PIEZO2: variants seen among roughly 807,000 people sequenced by gnomAD.
The protein encoded by PIEZO2 is piezo type mechanosensitive ion channel component 2.
PIEZO2 carries 172 observed loss-of-function variants against 337.3 expected under a neutral mutation model. That is an observed-to-expected ratio of 0.51 (90% CI 0.45 to 0.58). The LOEUF is 0.58. Ranked by LOEUF, PIEZO2 falls within the 20% of genes least tolerant of loss-of-function variation. The pLI, the probability that PIEZO2 is intolerant of heterozygous loss-of-function variation, is 0.00. For missense variants in PIEZO2, 3,028 were observed against 3,391.3 expected, an observed-to-expected ratio of 0.89 and a Z score of 2.66; for synonymous variants, 1,251 against 1,228.5, an observed-to-expected ratio of 1.02 and a Z score of -0.38.
Position 10,787,027 on chromosome 18 carries a change from A to T in PIEZO2, c.2318+9T>A, listed in dbSNP as rs1327804693. 3.9e-6 allele frequency: 6 copies of T among 1,527,192 alleles called. No individual in the cohort carries two copies. Among genetic ancestry groups the T allele is most frequent in the Non-Finnish European group, 5.3e-6 (6 of 1,141,884 alleles). The allele number at this position is 1,527,192 out of a possible 1,614,324, so 94.6% of individuals were successfully genotyped here. A position where few individuals can be genotyped will look rare whatever the true frequency, so the allele number is the denominator to read the frequency against. ...TCTTGTTCATCATTTTCAACTCAAA[A>T]TCACTTACTTTTCTTTTTTCAGTCC... On this transcript the variant is annotated intron_variant, in intron 16 of 55. Transcript: ENST00000674853.
At chr18:10,876,347 C>G (rs1012394706) in intron 4 of PIEZO2, among the ~76,000 whole-genome samples, 1 of 152,170 alleles carries the variant, frequency 6.6e-6, no homozygotes, top group African/African-American at 2.4e-5. Context: ...CATTTCTTAC[C>G]AGTTTCTTCT....
In PIEZO2 at chr18:11,127,842, T is replaced by G. The variant is rs996471621; in HGVS notation, c.64+20683A>C. On this transcript the variant is annotated intron_variant, in intron 1 of 55. Coordinates refer to ENST00000674853, the MANE Select transcript of PIEZO2 (RefSeq NM_001378183.1). The surrounding 1 kb of genome is among the most constrained non-coding windows in gnomAD (Gnocchi z 4.5). ...GTGTGTGTGTATCCTATTAGTTCTC[T>G]TCCTCTAAGAGAACCCTAATACAGA... Among the ~76,000 whole-genome samples, 1 of 137,900 alleles carries G rather than the reference T, an allele frequency of 7.3e-6. No individual in the cohort carries two copies. Among genetic ancestry groups the G allele is most frequent in the African/African-American group, 2.7e-5 (1 of 36,638 alleles). 90.5% of individuals were successfully genotyped at this position (137,900 alleles called of 152,430 possible).
rs1331373300 is a variant in PIEZO2 at position 10,725,047 on chromosome 18, C to T, written c.5029+6360G>A. On this transcript the variant is annotated intron_variant, in intron 36 of 55. Transcript: ENST00000674853. ...GAGCCCCTGCATGTTGGTGGCCCTG[C>T]GGCCAACCAACGTGGACCGTGAGGG... The T allele has an allele frequency of 7.7e-6, 12 of 1,568,218 alleles. 1 individual carries two copies. In the South Asian group the frequency reaches 1.0e-4, roughly 13 times the overall value.
intron 18 of PIEZO2, 137 bp from the exon 19 acceptor site, chr18:10,774,175 AT>A: frequency 1.6e-6 from 1 of 644,876 alleles, no homozygotes; most frequent in South Asian, 1.8e-5. Context: ...TAACGCCCTA[AT>A]GCCAAATGCA....
In PIEZO2 at chr18:11,046,257, T is replaced by C. The variant is rs374464862; in HGVS notation, c.160+19870A>G. On this transcript the variant is annotated intron_variant, in intron 2 of 55. Transcript: ENST00000674853. ...TGATGAGCAACATATGGTTGAATGA[T>C]AGAATCAGTTACTGCTATTCAAAGA... Among the ~76,000 whole-genome samples, 28 of 152,340 alleles carry C rather than the reference T, an allele frequency of 1.8e-4. No homozygotes were observed. In the East Asian group the frequency reaches 2.7e-3, roughly 15 times the overall value.
intron 14 of PIEZO2, among the ~76,000 whole-genome samples, chr18:10,790,628 CT>C (rs1466683741): frequency 6.6e-6 from 1 of 151,744 alleles, no homozygotes; most frequent in African/African-American, 2.4e-5. Context: ...GAAGTATGAC[CT>C]GGGAGGAAGC....
chr18:11,059,587 A>G (rs1463860401), intron 2 of PIEZO2, among the ~76,000 whole-genome samples: 3 of 152,206 alleles, frequency 2.0e-5, no homozygotes, highest in Non-Finnish European at 4.4e-5. Context: ...GGAAAACAAA[A>G]AAAGGCAGGG....
chr18:10,701,184 A>G (rs2035315689), intron 43 of PIEZO2, among the ~76,000 whole-genome samples: 1 of 152,268 alleles, frequency 6.6e-6, no homozygotes, highest in Non-Finnish European at 1.5e-5. Context: ...GACAAGGTTA[A>G]GACGAGGGAA....
intron 34 of PIEZO2, 114 bp downstream of exon 34, chr18:10,736,490 C>A: frequency 7.2e-7 from 1 of 1,393,448 alleles, no homozygotes; most frequent in Non-Finnish European, 9.5e-7. Context: ...AAATCAGAAG[C>A]TTCGGGGAGC....
At chr18:10,829,539 A>C (rs2040779928) in intron 7 of PIEZO2, among the ~76,000 whole-genome samples, 1 of 152,212 alleles carries the variant, frequency 6.6e-6, no homozygotes, top group African/African-American at 2.4e-5. Flanking sequence ...ATATGATCTT[A>C]TATTTGGAAA....
In PIEZO2 at chr18:10,682,768, C is replaced by T. The variant is rs893840449; in HGVS notation, c.7498-476G>A. Among the ~76,000 whole-genome samples, 2 of 66,058 alleles carry T rather than the reference C, an allele frequency of 3.0e-5. No homozygotes were observed. Among genetic ancestry groups the T allele is most frequent in the Non-Finnish European group, 7.7e-5 (2 of 26,048 alleles). The allele number at this position is 66,058 out of a possible 152,430, so 43.3% of individuals were successfully genotyped here. ...ATGATTTTTAATTTAATTCATGACACGTGTTGTTAAAGACAATGTTGTTCG... is the reference window on the plus strand; with the variant it reads ...ATGATTTTTAATTTAATTCATGACATGTGTTGTTAAAGACAATGTTGTTCG... On this transcript the variant is annotated intron_variant, in intron 49 of 55. Coordinates refer to ENST00000674853, the MANE Select transcript of PIEZO2 (RefSeq NM_001378183.1). The surrounding 1 kb of genome is among the most constrained non-coding windows in gnomAD (Gnocchi z 5.6).
intron 49 of PIEZO2, among the ~76,000 whole-genome samples, chr18:10,687,738 C>T (rs1002376293): frequency 3.3e-5 from 5 of 152,248 alleles, no homozygotes; most frequent in African/African-American, 1.2e-4. Context: ...GAATGTGCTG[C>T]CACGAGGGGA....
At chr18:10,907,381 T>C (rs754850273) in intron 4 of PIEZO2, among the ~76,000 whole-genome samples, 1 of 151,448 alleles carries the variant, frequency 6.6e-6, no homozygotes, top group Non-Finnish European at 1.5e-5. Context: ...AAGCAGAGGT[T>C]GCAGTGAGCT....
chr18:10,826,674 A>T (rs2040686872), intron 7 of PIEZO2, among the ~76,000 whole-genome samples: 1 of 152,200 alleles, frequency 6.6e-6, no homozygotes, highest in African/African-American at 2.4e-5. Flanking sequence ...CACAGTCTAC[A>T]TTCCATTCTG....
chr18:10,981,249 T>C (rs1050532890), intron 2 of PIEZO2, among the ~76,000 whole-genome samples: 13 of 152,144 alleles, frequency 8.5e-5, no homozygotes, highest in African/African-American at 3.1e-4. Flanking sequence ...CATAGTTTCA[T>C]TGACAGTTTT....
chr18:10,991,901 G>A (rs1214163591), intron 2 of PIEZO2, among the ~76,000 whole-genome samples: 1 of 152,152 alleles, frequency 6.6e-6, no homozygotes, highest in Non-Finnish European at 1.5e-5. Context: ...GTTGCTTCCT[G>A]ACTTTTTAAT....
intron 7 of PIEZO2, among the ~76,000 whole-genome samples, chr18:10,839,856 A>T (rs1158150342): frequency 6.6e-6 from 1 of 152,216 alleles, no homozygotes; most frequent in Admixed American, 6.5e-5. Context: ...GAAAGCAATA[A>T]ATCTTCTGTA....
At position 10,713,886 on chromosome 18, in the gene PIEZO2, CT is replaced by C. The variant is rs1381422786; in HGVS notation, c.5423+877del. 1.3e-5 allele frequency among the ~76,000 whole-genome samples: 2 copies of C among 152,200 alleles called. No homozygotes were observed. The highest frequency in any genetic ancestry group is 6.5e-5 in the Admixed American group (1 of 15,280). On this transcript the variant is annotated intron_variant, in intron 39 of 55. Coordinates refer to ENST00000674853, the MANE Select transcript of PIEZO2 (RefSeq NM_001378183.1). The surrounding 1 kb of genome is among the most constrained non-coding windows in gnomAD (Gnocchi z 4.5). ...AGGGACTTCTGCTTTAATTTAGAAT[CT>C]AGCTCTGTACAATTGTTATCAGCTA...
At position 11,143,637 on chromosome 18, in the gene PIEZO2, ACACTCTCTCT is replaced by A. The variant is rs1459847175; in HGVS notation, c.64+4878_64+4887del. ...CACACACACACACACACACACACAC[ACACTCTCTCT>A]CTCTCTCTCTCTCTCTCTCTCTCTC... On this transcript the variant is annotated intron_variant, in intron 1 of 55. Coordinates refer to ENST00000674853, the MANE Select transcript of PIEZO2 (RefSeq NM_001378183.1). The surrounding 1 kb of genome is among the most constrained non-coding windows in gnomAD (Gnocchi z 4.9). Among the ~76,000 whole-genome samples, 1 of 93,346 alleles carries A rather than the reference ACACTCTCTCT, an allele frequency of 1.1e-5. No individual in the cohort carries two copies. Among genetic ancestry groups the A allele is most frequent in the African/African-American group, 5.9e-5 (1 of 16,964 alleles). The allele number at this position is 93,346 out of a possible 152,430, so 61.2% of individuals were successfully genotyped here. A position where few individuals can be genotyped will look rare whatever the true frequency, so the allele number is the denominator to read the frequency against.
Sources: allele counts gnomAD v4.1 joint callset (sites outside exome capture counted in the v4.1 genomes callset), GRCh38; gene constraint gnomAD v4.1.1; non-coding constraint Gnocchi (gnomAD v3.1); transcripts MANE v1.5; gene names NCBI Gene and HGNC (gene_info 2026-07-23, HGNC 2026-07-21).